The following RANBP9 variants were observed in gnomAD, a reference collection of about 807,000 sequenced individuals.
The protein encoded by RANBP9 is RAN binding protein 9.
In RANBP9, 15 loss-of-function variants were observed where a neutral mutation model predicts 84.3. The observed-to-expected ratio is 0.18, with a 90% CI of 0.12 to 0.27. The LOEUF (loss-of-function observed/expected upper bound fraction) is 0.27, where lower values mean the gene tolerates loss of function less well. RANBP9 is among the 10% of genes least tolerant of loss of function. RANBP9 has a pLI of 1.00. For missense variants in RANBP9, 809 were observed against 912.8 expected, an observed-to-expected ratio of 0.89 and a Z score of 1.46; for synonymous variants, 392 against 349.6, an observed-to-expected ratio of 1.12 and a Z score of -1.35.
chr6:13,630,703 T>C (rs1764756155), intron 12 of RANBP9, among the ~76,000 whole-genome samples: 1 of 152,126 alleles, frequency 6.6e-6, no homozygotes, highest in South Asian at 2.1e-4. Flanking sequence ...ATAGTGGAAT[T>C]TTCCAGAGGC....
In RANBP9 at chr6:13,622,093, A is replaced by G. The variant is rs981204005; in HGVS notation, c.*269T>C. On this transcript the variant is annotated 3_prime_UTR_variant, in exon 14 of 14. Transcript: ENST00000011619. ...TTGGTTTCTTTTAGGTAATTGTTTT[A>G]AAGGATTTGTGATGATCAATTTGAA... The G allele has an allele frequency of 1.4e-5, 3 of 211,782 alleles. No homozygotes were observed. The highest frequency in any genetic ancestry group is 6.9e-5 in the African/African-American group (3 of 43,314). The allele number at this position is 211,782 out of a possible 1,614,324, so 13.1% of individuals were successfully genotyped here. A position where few individuals can be genotyped will look rare whatever the true frequency, so the allele number is the denominator to read the frequency against.
intron 2 of RANBP9, among the ~76,000 whole-genome samples, chr6:13,691,932 C>T (rs1329337336): frequency 3.9e-5 from 6 of 152,106 alleles, no homozygotes; most frequent in Admixed American, 1.3e-4. Flanking sequence ...TCTCAAAGTG[C>T]TAAAGGCTAG....
intron 1 of RANBP9, among the ~76,000 whole-genome samples, chr6:13,700,530 T>C (rs1420210224): frequency 6.6e-6 from 1 of 152,202 alleles, no homozygotes; most frequent in African/African-American, 2.4e-5. Flanking sequence ...GCTCAAGCTT[T>C]ACTTCCTCAA....
rs758918976 is a variant in RANBP9 at position 13,711,057 on chromosome 6, C to A, written c.449G>T (p.Arg150Leu). ...LNEQEKELQR[R>L]LKRLYPAVDE... ...CACGGCCGGGTAGAGACGCTTCAGC[C>A]GCCGCTGCAACTCCTTCTCCTGCTC... Residue 150 changes from arginine to leucine, a missense_variant, in exon 1 of 14, where the codon CGG becomes CTG. Arg to Leu is a moderately radical substitution (Grantham distance 102). Transcript: ENST00000011619. 7 of 1,586,538 alleles carry A rather than the reference C, an allele frequency of 4.4e-6. No individual in the cohort carries two copies. In the South Asian group the frequency reaches 8.0e-5, roughly 18 times the overall value.
At chr6:13,686,025 C>T (rs1766167861) in intron 2 of RANBP9, among the ~76,000 whole-genome samples, 1 of 144,138 alleles carries the variant, frequency 6.9e-6, no homozygotes, top group Non-Finnish European at 1.5e-5. Context: ...ATTAATTATA[C>T]AAAAATCATG....
chr6:13,665,714 A>T (rs777519960), intron 2 of RANBP9, among the ~76,000 whole-genome samples: 1 of 152,198 alleles, frequency 6.6e-6, no homozygotes, highest in African/African-American at 2.4e-5. Flanking sequence ...GAAAAACTTG[A>T]AACAGCCTGG....
In RANBP9 at chr6:13,711,049, G is replaced by C. The variant is rs144473823; in HGVS notation, c.457C>G (p.Arg153Gly). Residue 153 changes from arginine to glycine, a missense_variant, in exon 1 of 14, where the codon CGT becomes GGT. Coordinates refer to ENST00000011619, the MANE Select transcript of RANBP9 (RefSeq NM_005493.3). ...TGTTCGTCCACGGCCGGGTAGAGAC[G>C]CTTCAGCCGCCGCTGCAACTCCTTC... ...QEKELQRRLK[R>G]LYPAVDEQET... The C allele has an allele frequency of 2.8e-3, 4,504 of 1,585,698 alleles. 15 individuals are homozygous for C. Among genetic ancestry groups the C allele is most frequent in the Non-Finnish European group, 3.2e-3 (3,688 of 1,166,916 alleles).
rs2113378771 is a variant in RANBP9 at position 13,711,006 on chromosome 6, C to T, written c.500G>A (p.Arg167Gln). The change falls in exon 1 of 14, where the codon CGG (arginine) becomes CAG (glutamine). Residue 167 changes from arginine (R) to glutamine (Q), a missense_variant. By Grantham distance (43) the Arg-to-Gln change is conservative. Transcript: ENST00000011619. The stretch of plus-strand genomic sequence containing the variant: ...GAACTTGTCCTTCGGGCTCCAGGAC[C>T]GAGGCAGCGGCGTCTCTTGTTCGTC... The part of the protein sequence containing the change: ...AVDEQETPLP[R>Q]SWSPKDKFSY... 1 of 1,607,766 alleles carries T rather than the reference C, an allele frequency of 6.2e-7. No homozygotes were observed. The highest frequency in any genetic ancestry group is 1.7e-4 in the Middle Eastern group (1 of 6,044).
intron 11 of RANBP9, among the ~76,000 whole-genome samples, chr6:13,632,947 GACT>G (rs1764833790): frequency 6.6e-6 from 1 of 151,150 alleles, no homozygotes. Flanking sequence ...AAAGCTAAAT[GACT>G]ACAATAAAAA....
At chr6:13,698,324 T>C (rs529401754) in intron 1 of RANBP9, among the ~76,000 whole-genome samples, 100 of 152,270 alleles carry the variant, frequency 6.6e-4, no homozygotes, top group African/African-American at 2.3e-3. Flanking sequence ...CTTCAACATA[T>C]GATGCAGGTA....
chr6:13,656,059 A>T (rs762448931), intron 4 of RANBP9, among the ~76,000 whole-genome samples: 2 of 152,210 alleles, frequency 1.3e-5, no homozygotes, highest in Admixed American at 6.5e-5. Flanking sequence ...TGCTAAGCTG[A>T]ATATGAAAAA....
chr6:13,653,305 G>C (rs1420483598), intron 4 of RANBP9, among the ~76,000 whole-genome samples: 1 of 152,094 alleles, frequency 6.6e-6, no homozygotes, highest in East Asian at 1.9e-4. Context: ...AATTACAACA[G>C]TCATGTTCTA....
At chr6:13,704,800 C>A (rs535040502) in intron 1 of RANBP9, among the ~76,000 whole-genome samples, 42 of 152,234 alleles carry the variant, frequency 2.8e-4, no homozygotes, top group African/African-American at 9.9e-4. Flanking sequence ...TCTCCTATAT[C>A]CTACTCATCT....
At chr6:13,697,980 G>A (rs1757880218) in intron 1 of RANBP9, among the ~76,000 whole-genome samples, 1 of 152,210 alleles carries the variant, frequency 6.6e-6, no homozygotes, top group East Asian at 1.9e-4. Context: ...ATACCTTCTT[G>A]TAAGTCAAAA....
At chr6:13,661,985 G>A (rs1765546334) in intron 2 of RANBP9, among the ~76,000 whole-genome samples, 3 of 152,060 alleles carry the variant, frequency 2.0e-5, no homozygotes, top group Admixed American at 2.0e-4. Context: ...AATGCAGCAA[G>A]AATGAGGGAA....
At chr6:13,638,048 T>TGAGAGTGTGTGTGTGTGTGTGTGTG in intron 9 of RANBP9, 93 bp from the exon 10 acceptor site, 1 of 1,197,842 alleles carries the variant, frequency 8.3e-7, no homozygotes, top group Non-Finnish European at 1.1e-6. Flanking sequence ...GTACTAAGAC[T>TGAGAGTGTGTGTGTGTGTGTGTGTG]TCTAGAACGT....
intron 12 of RANBP9, among the ~76,000 whole-genome samples, chr6:13,629,734 T>C (rs984597667): frequency 2.0e-5 from 3 of 152,118 alleles, no homozygotes; most frequent in Admixed American, 6.5e-5. Context: ...AAGAGTTCTT[T>C]TGGGAGCCAC....
intron 10 of RANBP9, among the ~76,000 whole-genome samples, chr6:13,637,056 GA>G (rs1764956015): frequency 6.6e-6 from 1 of 152,110 alleles, no homozygotes; most frequent in African/African-American, 2.4e-5. Flanking sequence ...TGGGCAGGGT[GA>G]ATTCACAATA....
intron 1 of RANBP9, among the ~76,000 whole-genome samples, chr6:13,709,087 C>T (rs981048680): frequency 6.6e-6 from 1 of 152,202 alleles, no homozygotes; most frequent in African/African-American, 2.4e-5. Context: ...ACTGAGACAG[C>T]AGTGTCAGAA....
Sources: allele counts gnomAD v4.1 joint callset (sites outside exome capture counted in the v4.1 genomes callset), GRCh38; gene constraint gnomAD v4.1.1; transcripts MANE v1.5; gene names NCBI Gene and HGNC (gene_info 2026-07-23, HGNC 2026-07-21).